The following UBXN7 variants were observed in gnomAD, a reference collection of about 807,000 sequenced individuals.
The protein encoded by UBXN7 is UBX domain-containing protein 7.
A neutral mutation model predicts 58.0 loss-of-function variants in UBXN7; 9 were observed. The ratio of observed to expected loss-of-function variants is 0.16; its 90% CI spans 0.09 to 0.27. The LOEUF is 0.27. Ranked by LOEUF, UBXN7 falls within the 10% of genes least tolerant of loss-of-function variation. The pLI is 1.00. For synonymous variants in UBXN7, 208 were observed against 205.0 expected, an observed-to-expected ratio of 1.01 and a Z score of -0.12; for missense variants, 328 against 599.6, an observed-to-expected ratio of 0.55 and a Z score of 4.73.
intron 1 of UBXN7, among the ~76,000 whole-genome samples, chr3:196,425,923 C>T (rs540374982): frequency 6.6e-6 from 1 of 152,278 alleles, no homozygotes; most frequent in African/African-American, 2.4e-5. Flanking sequence ...AATACCTATT[C>T]GTGTGTCTCT....
Position 196,362,502 on chromosome 3 carries a change from CTCT to C in UBXN7, c.1017_1019del (p.Glu340del), listed in dbSNP as rs1223357612. On this transcript the variant is annotated inframe_deletion, in exon 9 of 11. Coordinates refer to ENST00000296328, the MANE Select transcript of UBXN7 (RefSeq NM_015562.2). ...TTCTGGACTTGGCAAGATTCTCTAC[CTCT>C]TCTTCTTCATCAGAGCCACAAACGG... 7.4e-6 allele frequency: 12 copies of C among 1,614,052 alleles called. No homozygotes were observed. The highest frequency in any genetic ancestry group is 1.3e-5 in the African/African-American group (1 of 74,898).
chr3:196,362,897 G>GTTGTTTTGTT (rs766609343), intron 8 of UBXN7, among the ~76,000 whole-genome samples: 1 of 151,760 alleles, frequency 6.6e-6, no homozygotes, highest in Non-Finnish European at 1.5e-5. Flanking sequence ...ACACGTTTTT[G>GTTGTTTTGTT]TTGTTTTGTT....
intron 1 of UBXN7, among the ~76,000 whole-genome samples, chr3:196,410,631 G>C (rs1730295199): frequency 6.6e-6 from 1 of 152,158 alleles, no homozygotes; most frequent in Non-Finnish European, 1.5e-5. Flanking sequence ...AGACCAGCCT[G>C]GCCAAGATGG....
At chr3:196,384,313 C>G (rs1229193316) in intron 5 of UBXN7, among the ~76,000 whole-genome samples, 1 of 152,082 alleles carries the variant, frequency 6.6e-6, no homozygotes, top group Non-Finnish European at 1.5e-5. Context: ...AATTAACAGC[C>G]TAACAACCAA....
At chr3:196,374,543 G>C (rs997557247) in intron 5 of UBXN7, among the ~76,000 whole-genome samples, 1 of 151,868 alleles carries the variant, frequency 6.6e-6, no homozygotes, top group African/African-American at 2.4e-5. Flanking sequence ...AGGGTGCAAA[G>C]ACACAATTTT....
At chr3:196,429,462 A>G (rs1258374459) in intron 1 of UBXN7, among the ~76,000 whole-genome samples, 2 of 152,076 alleles carry the variant, frequency 1.3e-5, no homozygotes, top group Non-Finnish European at 2.9e-5. Context: ...AAAAGATAAG[A>G]CTCACATTTA....
At chr3:196,366,146 C>T (rs549797173) in intron 8 of UBXN7, among the ~76,000 whole-genome samples, 32 of 152,102 alleles carry the variant, frequency 2.1e-4, no homozygotes, top group Non-Finnish European at 4.1e-4. Context: ...CTATACTATC[C>T]CTTAGGGCTT....
chr3:196,366,648 T>G (rs1351039865), intron 8 of UBXN7, among the ~76,000 whole-genome samples: 2 of 151,964 alleles, frequency 1.3e-5, no homozygotes, highest in African/African-American at 2.4e-5. Flanking sequence ...TCCCAACATT[T>G]TGGGAGGCTG....
At chr3:196,381,320 T>G (rs1176347713) in intron 5 of UBXN7, among the ~76,000 whole-genome samples, 2 of 152,246 alleles carry the variant, frequency 1.3e-5, no homozygotes, top group Non-Finnish European at 2.9e-5. Flanking sequence ...TTCTGCAGCT[T>G]CTGCTGGTGA....
intron 1 of UBXN7, among the ~76,000 whole-genome samples, chr3:196,422,632 TC>T (rs1730723641): frequency 6.6e-6 from 1 of 152,122 alleles, no homozygotes; most frequent in Non-Finnish European, 1.5e-5. Flanking sequence ...AGAGCAATCC[TC>T]CCGCATCAGC....
Position 196,383,293 on chromosome 3 carries a change from A to T in UBXN7, c.468+8520T>A, listed in dbSNP as rs527923196. Among the ~76,000 whole-genome samples the T allele has an allele frequency of 1.0e-3, 153 of 152,264 alleles. 1 individual carries two copies. The highest frequency in any genetic ancestry group is 1.6e-3 in the Non-Finnish European group (109 of 68,006). ...AATATATATGCATCCAAATTCAAAA[A>T]GCAAGTCCTTAGAGACCTACAGAGA... On this transcript the variant is annotated intron_variant, in intron 5 of 10. Coordinates refer to ENST00000296328, the MANE Select transcript of UBXN7 (RefSeq NM_015562.2).
chr3:196,384,481 G>C (rs1729312173), intron 5 of UBXN7, among the ~76,000 whole-genome samples: 1 of 152,148 alleles, frequency 6.6e-6, no homozygotes, highest in Non-Finnish European at 1.5e-5. Flanking sequence ...ACCAAAGCCT[G>C]GCAGAGACAC....
intron 5 of UBXN7, among the ~76,000 whole-genome samples, chr3:196,372,296 C>T (rs940203033): frequency 7.5e-6 from 1 of 133,998 alleles, no homozygotes; most frequent in Non-Finnish European, 1.6e-5. Flanking sequence ...GTTATAATAG[C>T]TGATTCTCTC....
At chr3:196,402,628 C>T (rs968543946) in intron 3 of UBXN7, among the ~76,000 whole-genome samples, 10 of 152,160 alleles carry the variant, frequency 6.6e-5, no homozygotes, top group Non-Finnish European at 1.0e-4. Context: ...TAAGGCATAT[C>T]TAGAGAGTAA....
intron 5 of UBXN7, among the ~76,000 whole-genome samples, chr3:196,386,415 G>T (rs1461556811): frequency 7.2e-6 from 1 of 138,752 alleles, no homozygotes; most frequent in Non-Finnish European, 1.5e-5. Flanking sequence ...AGGAAATGAG[G>T]AAGTCAAATT....
At chr3:196,390,308 A>G (rs1729542823) in intron 5 of UBXN7, among the ~76,000 whole-genome samples, 2 of 151,972 alleles carry the variant, frequency 1.3e-5, no homozygotes, top group African/African-American at 4.8e-5. Flanking sequence ...TGATCATCAC[A>G]CACCACAGCC....
rs187024790 is a variant in UBXN7, at chr3:196,373,616, A to G, written c.469-1574T>C. Among the ~76,000 whole-genome samples the G allele has an allele frequency of 6.4e-4, 96 of 149,856 alleles. 1 individual carries two copies. Among genetic ancestry groups the G allele is most frequent in the Non-Finnish European group, 9.7e-4 (66 of 68,020 alleles). Reference sequence around the variant, plus strand: ...ACTGGACATCATTTTGTGGGTACTGAAAAATGTGAGACTGAGAATATCTTC... The same window carrying G: ...ACTGGACATCATTTTGTGGGTACTGGAAAATGTGAGACTGAGAATATCTTC... On this transcript the variant is annotated intron_variant, in intron 5 of 10. Transcript: ENST00000296328.
At chr3:196,365,349 G>C (rs1356099926) in intron 8 of UBXN7, among the ~76,000 whole-genome samples, 1 of 150,806 alleles carries the variant, frequency 6.6e-6, no homozygotes. Flanking sequence ...AAATACAATA[G>C]AGAAAAACAA....
intron 1 of UBXN7, among the ~76,000 whole-genome samples, chr3:196,411,697 G>C (rs1325623808): frequency 1.3e-5 from 2 of 151,818 alleles, no homozygotes; most frequent in African/African-American, 4.8e-5. Flanking sequence ...TGTAATCCCA[G>C]CTACTCGGGA....
Sources: allele counts gnomAD v4.1 joint callset (sites outside exome capture counted in the v4.1 genomes callset), GRCh38; gene constraint gnomAD v4.1.1; transcripts MANE v1.5; gene names NCBI Gene and HGNC (gene_info 2026-07-23, HGNC 2026-07-21).